Variants in MYOM3 observed in about 807,000 individuals in gnomAD.
MYOM3 encodes myomesin 3.
Under a neutral mutation model 191.7 loss-of-function variants are expected in MYOM3, and 155 were observed. The observed-to-expected ratio is 0.81, with a 90% CI of 0.71 to 0.92. MYOM3 has a LOEUF of 0.92. Among genes scored for constraint, MYOM3 ranks in the 40% least tolerant of loss-of-function variants. MYOM3 has a pLI of 0.00. For synonymous variants in MYOM3, 757 were observed against 762.9 expected, an observed-to-expected ratio of 0.99 and a Z score of 0.13; for missense variants, 1,889 against 1,890.6, an observed-to-expected ratio of 1.00 and a Z score of 0.02.
intron 13 of MYOM3, 141 bp downstream of exon 13, chr1:24,089,924 C>T: frequency 1.1e-6 from 1 of 875,918 alleles, no homozygotes; most frequent in East Asian, 2.6e-5. Context: ...GACCCCAGCA[C>T]TCTGACTGCC....
chr1:24,095,559 G>T, intron 7 of MYOM3, 73 bp from the exon 8 acceptor site: 3 of 1,384,040 alleles, frequency 2.2e-6, no homozygotes, highest in African/African-American at 1.5e-5. Flanking sequence ...GGGGACATGG[G>T]CTTTGGATAT....
chr1:24,089,588 C>T lies in MYOM3; in HGVS notation c.1564G>A (p.Glu522Lys), dbSNP rs1224653238. Residue 522 changes from glutamate to lysine, a missense_variant, in exon 14 of 37, where the codon GAG (glutamate) becomes AAG (lysine). Physicochemically the swap from Glu to Lys is moderately conservative, Grantham distance 56. Coordinates refer to ENST00000374434, the MANE Select transcript of MYOM3 (RefSeq NM_152372.4). ...IREAYVVLAW[E>K]EPSPRDRAPL... is the part of the protein sequence containing the mutation. ...GCTCTGTCCCGGGGGCTGGGCTCCT[C>T]CCAGGCCAGAACCACATAGGCCTCT... 3.8e-6 allele frequency: 6 copies of T among 1,596,716 alleles called. No homozygotes were observed. In the Admixed American group the frequency reaches 5.2e-5, roughly 14 times the overall value.
chr1:24,070,842 CAGA>C (rs1288079264), intron 25 of MYOM3, among the ~76,000 whole-genome samples: 1 of 152,094 alleles, frequency 6.6e-6, no homozygotes, highest in Non-Finnish European at 1.5e-5. Flanking sequence ...GTGGGGTAAT[CAGA>C]AGTTGTGGGG....
rs763660230 is a variant in MYOM3 at position 24,082,654 on chromosome 1, G to A, written c.2031C>T (p.Ser677=). 8 of 1,612,238 alleles carry A rather than the reference G, an allele frequency of 5.0e-6. No individual in the cohort carries two copies. The highest frequency in any genetic ancestry group is 2.7e-5 in the African/African-American group (2 of 74,900). ...KEYEFCVRSV[S]EAGVGESSAA... ...CTGAGCTCTCGCCTACCCCAGCCTC[G>A]CTGACTGACCTGACACAAAACTCGT... Residue 677 remains serine, a synonymous_variant, in exon 17 of 37, where the codon AGC becomes AGT. Transcript: ENST00000374434.
At chr1:24,081,561 T>C in intron 18 of MYOM3, 105 bp from the exon 19 acceptor site, 1 of 1,347,968 alleles carries the variant, frequency 7.4e-7, no homozygotes, top group Non-Finnish European at 1.0e-6. Context: ...GTGGGGGCTT[T>C]GCTTTTATTT....
chr1:24,070,233 C>CA (rs907291372), intron 25 of MYOM3, among the ~76,000 whole-genome samples: 5 of 151,822 alleles, frequency 3.3e-5, no homozygotes, highest in Admixed American at 2.6e-4. Flanking sequence ...AGAAGAAAAG[C>CA]AAAAAAATCA....
At chr1:24,108,822 G>A (rs1644017271) in intron 1 of MYOM3, among the ~76,000 whole-genome samples, 168 bp from the exon 2 acceptor site, 1 of 152,196 alleles carries the variant, frequency 6.6e-6, no homozygotes, top group Non-Finnish European at 1.5e-5. Context: ...CCTGCCCAAG[G>A]TGACAGAGGC....
rs773986545 is a variant in MYOM3, at chr1:24,108,031, T to C, written c.204A>G (p.Ala68=). ...HEFSAADYAL[A]AALALTASSE... ...AGGAGGCCGTCAGAGCCAGGGCTGC[T>C]GCCAGGGCGTAGTCCGCGGCGCTGA... The change falls in exon 3 of 37, where the codon GCA becomes GCG. Residue 68 remains alanine (A), a synonymous_variant. Coordinates refer to ENST00000374434, the MANE Select transcript of MYOM3 (RefSeq NM_152372.4). 1.9e-6 allele frequency: 3 copies of C among 1,613,816 alleles called. No homozygotes were observed. Among genetic ancestry groups the C allele is most frequent in the Non-Finnish European group, 2.5e-6 (3 of 1,179,870 alleles).
chr1:24,078,519 TTCTTGA>T (rs1643629672), intron 20 of MYOM3, among the ~76,000 whole-genome samples: 1 of 152,234 alleles, frequency 6.6e-6, no homozygotes, highest in Non-Finnish European at 1.5e-5. Flanking sequence ...TGTTACGGGC[TTCTTGA>T]GCCTGCCTTC....
intron 20 of MYOM3, among the ~76,000 whole-genome samples, chr1:24,077,498 G>C (rs535860071): frequency 6.6e-6 from 1 of 151,996 alleles, no homozygotes; most frequent in Non-Finnish European, 1.5e-5. Flanking sequence ...ATGCCGTCCC[G>C]CCTCCCTCCT....
intron 6 of MYOM3, among the ~76,000 whole-genome samples, chr1:24,099,349 T>C (rs1366851895): frequency 6.6e-6 from 1 of 152,232 alleles, no homozygotes; most frequent in Admixed American, 6.5e-5. Context: ...ACAAGGAGCC[T>C]TCCCAGCATG....
chr1:24,093,149 T>G (rs1229168803), intron 9 of MYOM3, 41 bp from the exon 10 acceptor site: 10 of 1,416,814 alleles, frequency 7.1e-6, no homozygotes, highest in Non-Finnish European at 9.7e-6. Context: ...TTGTGGGGGG[T>G]CCTGGTCTCA....
chr1:24,074,393 G>A (rs1012470206), intron 22 of MYOM3, 124 bp from the exon 23 acceptor site: 2 of 663,398 alleles, frequency 3.0e-6, no homozygotes, highest in Middle Eastern at 4.2e-4. Context: ...CCCTGGCCAA[G>A]TCAGGAAGCA....
At chr1:24,067,171 G>T (rs933443519) in intron 27 of MYOM3, 83 bp from the exon 28 acceptor site, 2 of 1,361,048 alleles carry the variant, frequency 1.5e-6, no homozygotes, top group South Asian at 1.3e-5. Flanking sequence ...GTGCTGGGGG[G>T]AGGGACAGCT....
At chr1:24,101,454 TC>T (rs996573659) in intron 5 of MYOM3, among the ~76,000 whole-genome samples, 1 of 152,112 alleles carries the variant, frequency 6.6e-6, no homozygotes, top group African/African-American at 2.4e-5. Flanking sequence ...ATTTTGAAAA[TC>T]CCCTGGTGAG....
intron 8 of MYOM3, 47 bp from the exon 9 acceptor site, chr1:24,095,037 C>A: frequency 6.3e-7 from 1 of 1,591,310 alleles, no homozygotes. Flanking sequence ...AGGCAGCCAG[C>A]CTGGCCTGGG....
At chr1:24,065,564 C>T (rs779366966) in intron 29 of MYOM3, among the ~76,000 whole-genome samples, 6 of 152,096 alleles carry the variant, frequency 3.9e-5, no homozygotes, top group South Asian at 2.1e-4. Context: ...GGTCAGAGAG[C>T]GACGGGGGCT....
intron 5 of MYOM3, among the ~76,000 whole-genome samples, chr1:24,103,993 T>C (rs1643961661): frequency 6.6e-6 from 1 of 152,188 alleles, no homozygotes; most frequent in Non-Finnish European, 1.5e-5. Flanking sequence ...TCCTACCCTC[T>C]AGGCCAGCTG....
chr1:24,095,011 G>A, intron 8 of MYOM3, 21 bp from the exon 9 acceptor site: 1 of 1,607,050 alleles, frequency 6.2e-7, no homozygotes, highest in Non-Finnish European at 8.5e-7. Context: ...AATGAAATTT[G>A]GGGCAGAAGT....
Sources: gnomAD v4.1 joint callset for allele counts (sites outside exome capture counted in the v4.1 genomes callset) on GRCh38, gnomAD v4.1.1 for gene constraint, MANE v1.5 for transcripts, NCBI Gene and HGNC (gene_info 2026-07-23, HGNC 2026-07-21) for gene names.